The following DENND6A variants were observed in gnomAD, a reference collection of about 807,000 sequenced individuals.
The protein encoded by DENND6A is DENN domain containing 6A.
Under a neutral mutation model 95.5 loss-of-function variants are expected in DENND6A, and 43 were observed. The ratio of observed to expected loss-of-function variants is 0.45; its 90% confidence interval spans 0.35 to 0.58. DENND6A has a LOEUF of 0.58. Ranked by LOEUF, DENND6A falls within the 20% of genes least tolerant of loss-of-function variation. The probability of loss-of-function intolerance (pLI) is 0.00; values close to 1 mark genes in which losing one functional copy is unlikely to be tolerated. For missense variants in DENND6A, 574 were observed against 736.0 expected (o/e 0.78, Z 2.55); for synonymous variants, 257 against 260.4 (o/e 0.99, Z 0.13).
At chr3:57,688,417 T>G (rs552384219) in intron 1 of DENND6A, among the ~76,000 whole-genome samples, 1 of 152,198 alleles carries the variant, frequency 6.6e-6, no homozygotes, top group South Asian at 2.1e-4. Context: ...TCCCTCCTAT[T>G]GCAGGGGTGA....
At chr3:57,686,794 C>T (rs1334122780) in intron 1 of DENND6A, among the ~76,000 whole-genome samples, 3 of 152,172 alleles carry the variant, frequency 2.0e-5, no homozygotes, top group East Asian at 1.9e-4. Flanking sequence ...TCTCCTCAGG[C>T]CTCCCTATTC....
chr3:57,646,089 A>T lies in DENND6A; in HGVS notation c.941+227T>A, dbSNP rs193227656. On this transcript the variant is annotated intron_variant, in intron 10 of 19. Coordinates refer to ENST00000311128, the MANE Select transcript of DENND6A (RefSeq NM_152678.3). ...TAATGAATCAATGTGCCTGCCACTC[A>T]GAACAACAAAGGCATGGTTCCAGCC... 7.7e-4 allele frequency among the ~76,000 whole-genome samples: 118 copies of T among 152,340 alleles called. 1 individual carries two copies. Among genetic ancestry groups the T allele is most frequent in the Non-Finnish European group, 1.2e-3 (80 of 68,030 alleles).
chr3:57,644,228 T>C lies in DENND6A; in HGVS notation c.1037+1433A>G, dbSNP rs79611005. Among the ~76,000 whole-genome samples the C allele has an allele frequency of 1.6e-3, 246 of 151,014 alleles. 2 individuals are homozygous for C. The East Asian group carries it at 0.044, about 27-fold the overall frequency. The stretch of plus-strand genomic sequence containing the variant: ...CTAGCGAACACCAACATTTAAGGGA[T>C]TCGTAGAGAAAAGAAGTCTGCAAAG... On this transcript the variant is annotated intron_variant, in intron 11 of 19. Transcript: ENST00000311128.
intron 3 of DENND6A, 53 bp from the exon 4 acceptor site, chr3:57,666,288 C>G: frequency 7.3e-7 from 1 of 1,371,044 alleles, no homozygotes; most frequent in Non-Finnish European, 1.0e-6. Flanking sequence ...TAACATTTAT[C>G]CAGTTTCATC....
intron 1 of DENND6A, among the ~76,000 whole-genome samples, chr3:57,674,049 C>G (rs988056454): frequency 6.6e-6 from 1 of 151,740 alleles, no homozygotes; most frequent in Non-Finnish European, 1.5e-5. Context: ...GGATTTCAGG[C>G]GTGAGCCACC....
chr3:57,660,683 G>A (rs2071406321), intron 7 of DENND6A, 77 bp downstream of exon 7: 5 of 1,304,076 alleles, frequency 3.8e-6, no homozygotes, highest in Non-Finnish European at 5.2e-6. Context: ...ACTCCAGCCT[G>A]GGTGACAGCA....
intron 3 of DENND6A, 58 bp downstream of exon 3, chr3:57,672,198 G>T: frequency 6.9e-7 from 1 of 1,455,436 alleles, no homozygotes; most frequent in Non-Finnish European, 9.4e-7. Flanking sequence ...TACATTAACA[G>T]TATAACCAGT....
At chr3:57,631,923 C>T (rs546786336) in intron 15 of DENND6A, among the ~76,000 whole-genome samples, 13 of 150,160 alleles carry the variant, frequency 8.7e-5, no homozygotes, top group Admixed American at 4.0e-4. Context: ...GGGGTTTCAC[C>T]GTGTTAGCCA....
Position 57,660,769 on chromosome 3 carries a change from C to T in DENND6A, c.690G>A (p.Val230=), listed in dbSNP as rs747164152. The change falls in exon 7 of 20, where the codon GTG becomes GTA. Residue 230 remains valine (V), a synonymous_variant. Transcript: ENST00000311128. ...AGATATAAGATATTACCTTCATTAC[C>T]ACCCCCATGATTGGCAGGTGTAATG... ...GKTLHLPIMG[V]VMKVRIPTCH... is the part of the protein sequence containing the mutation. 1.4e-5 allele frequency: 23 copies of T among 1,606,604 alleles called. No homozygotes were observed. The Admixed American group carries it at 2.2e-4, about 15-fold the overall frequency.
intron 1 of DENND6A, among the ~76,000 whole-genome samples, chr3:57,678,653 C>T (rs1459575659): frequency 6.6e-6 from 1 of 152,214 alleles, no homozygotes; most frequent in Admixed American, 6.5e-5. Context: ...AGAGGAAACA[C>T]AAGAGATCTC....
Position 57,628,257 on chromosome 3 carries a change from G to T in DENND6A, c.1784C>A (p.Pro595Gln). 6.2e-7 allele frequency: 1 copy of T among 1,613,974 alleles called. No homozygotes were observed. The highest frequency in any genetic ancestry group is 8.5e-7 in the Non-Finnish European group (1 of 1,180,000). Residue 595 changes from proline (P) to glutamine (Q), a missense_variant, in exon 20 of 20, where the codon CCA becomes CAA. Around this residue, in one of 2 missense-constraint regions of DENND6A, gnomAD observed 452 missense variants for 630.9 expected, o/e 0.72. Coordinates refer to ENST00000311128, the MANE Select transcript of DENND6A (RefSeq NM_152678.3). ...GAGCAGTATGCCTTGCAAGTCCTCTGGCAATGCTAAGATAATGGCATCTAT... is the reference window on the plus strand; with the variant it reads ...GAGCAGTATGCCTTGCAAGTCCTCTTGCAATGCTAAGATAATGGCATCTAT... ...THIDAIILAL[P>Q]EDLQGILLKT...
At chr3:57,664,833 GA>G (rs1453035548) in intron 4 of DENND6A, among the ~76,000 whole-genome samples, 1 of 151,948 alleles carries the variant, frequency 6.6e-6, no homozygotes, top group Non-Finnish European at 1.5e-5. Flanking sequence ...CTCCATCTCA[GA>G]AAAAAGAAGT....
In DENND6A at chr3:57,628,319, A is replaced by G. The variant is rs1316455396; in HGVS notation, c.1722T>C (p.Pro574=). The G allele has an allele frequency of 4.3e-6, 7 of 1,614,132 alleles. No individual in the cohort carries two copies. Among genetic ancestry groups the G allele is most frequent in the Non-Finnish European group, 5.9e-6 (7 of 1,180,002 alleles). Residue 574 remains proline, a synonymous_variant, in exon 20 of 20, where the codon CCT becomes CCC. Coordinates refer to ENST00000311128, the MANE Select transcript of DENND6A (RefSeq NM_152678.3). ...ACTTTTCCATAGTGTCAGGTTTCACAGGTAAGTGCTCTCGATCAGCCTGCA... is the reference window on the plus strand; with the variant it reads ...ACTTTTCCATAGTGTCAGGTTTCACGGGTAAGTGCTCTCGATCAGCCTGCA... ...KLLQADREHL[P]VKPDTMEKLR...
rs186957261 is a variant in DENND6A, at chr3:57,639,744, C to A, written c.1132+1909G>T. 2.9e-4 allele frequency among the ~76,000 whole-genome samples: 44 copies of A among 152,148 alleles called. No homozygotes were observed. In the East Asian group the frequency reaches 6.2e-3, roughly 21 times the overall value. ...AGATGCTATTCAGCCTATTAGCACA[C>A]AGTTCTGATTGCCAAGATGAAGCCC... On this transcript the variant is annotated intron_variant, in intron 12 of 19. Transcript: ENST00000311128.
At chr3:57,667,204 A>G (rs973580959) in intron 3 of DENND6A, among the ~76,000 whole-genome samples, 10 of 151,966 alleles carry the variant, frequency 6.6e-5, no homozygotes, top group South Asian at 2.1e-4. Context: ...AATTTTTTGT[A>G]TTTTTAGTAG....
intron 12 of DENND6A, among the ~76,000 whole-genome samples, chr3:57,639,365 C>T (rs2070874800): frequency 6.6e-6 from 1 of 152,144 alleles, no homozygotes; most frequent in South Asian, 2.1e-4. Context: ...ATTTCTTAAA[C>T]AGATTTATCA....
intron 1 of DENND6A, among the ~76,000 whole-genome samples, chr3:57,691,654 ATC>A (rs1400408914): frequency 7.0e-6 from 1 of 142,752 alleles, no homozygotes. Flanking sequence ...TGAAATCGAA[ATC>A]TGTCACCAAT....
intron 12 of DENND6A, among the ~76,000 whole-genome samples, chr3:57,640,394 A>G (rs2070902994): frequency 6.6e-6 from 1 of 151,992 alleles, no homozygotes; most frequent in African/African-American, 2.4e-5. Flanking sequence ...GGAGTTTGAG[A>G]CCAGCCTTGC....
intron 1 of DENND6A, among the ~76,000 whole-genome samples, chr3:57,682,473 C>T (rs1047882894): frequency 1.3e-5 from 2 of 151,998 alleles, no homozygotes; most frequent in African/African-American, 2.4e-5. Context: ...ACCATTTATG[C>T]GCCTATCAAA....
Sources: allele counts gnomAD v4.1 joint callset (sites outside exome capture counted in the v4.1 genomes callset), GRCh38; gene constraint gnomAD v4.1.1; regional missense constraint gnomAD v4.1.1; transcripts MANE v1.5; gene names NCBI Gene and HGNC (gene_info 2026-07-23, HGNC 2026-07-21).